ZNF722: variants seen among roughly 807,000 people sequenced by gnomAD.
The protein encoded by ZNF722 is zinc finger protein 722.
the ZNF722 span, chr7:63,999,076 C>G: frequency 6.8e-7 from 1 of 1,476,432 alleles, no homozygotes; most frequent in Non-Finnish European, 9.5e-7. Flanking sequence ...TAGCAGGACC[C>G]AAACTTCCTC....
the ZNF722 span, among the ~76,000 whole-genome samples, chr7:64,011,250 T>C: frequency 6.6e-6 from 1 of 152,176 alleles, no homozygotes; most frequent in Admixed American, 6.5e-5. Flanking sequence ...CTTATTTACA[T>C]TTAAGGTTAA....
chr7:64,004,558 A>G, the ZNF722 span, among the ~76,000 whole-genome samples: 3 of 150,642 alleles, frequency 2.0e-5, no homozygotes, highest in Non-Finnish European at 4.4e-5. Flanking sequence ...AATGTGTCCT[A>G]ATAAAGTTGA....
chr7:64,015,631 G>A, the ZNF722 span: 1 of 1,613,682 alleles, frequency 6.2e-7, no homozygotes. Context: ...AACCACAAGA[G>A]AATTCATACT....
chr7:64,004,664 T>C, the ZNF722 span, among the ~76,000 whole-genome samples: 3 of 151,864 alleles, frequency 2.0e-5, no homozygotes, highest in Non-Finnish European at 4.4e-5. Context: ...ACTTAGGAGA[T>C]TTACTAGCTG....
the ZNF722 span, among the ~76,000 whole-genome samples, chr7:64,007,230 G>GTGTGTATATATATATA: frequency 1.4e-5 from 2 of 138,512 alleles, no homozygotes; most frequent in Non-Finnish European, 3.0e-5. Flanking sequence ...GTTTGTGTGT[G>GTGTGTATATATATATA]TATATATATA....
the ZNF722 span, among the ~76,000 whole-genome samples, chr7:64,009,933 C>T: frequency 6.6e-6 from 1 of 152,090 alleles, no homozygotes; most frequent in South Asian, 2.1e-4. Context: ...TGTTATTGGT[C>T]TATTCAGGGA....
chr7:64,011,347 T>C, the ZNF722 span, among the ~76,000 whole-genome samples: 5 of 152,220 alleles, frequency 3.3e-5, no homozygotes, highest in Non-Finnish European at 7.3e-5. Context: ...TTAGCATCGA[T>C]GATCTTTATA....
chr7:64,007,650 A>T, the ZNF722 span, among the ~76,000 whole-genome samples: 2 of 152,168 alleles, frequency 1.3e-5, no homozygotes, highest in African/African-American at 2.4e-5. Context: ...CTTTATGGAC[A>T]TTTGGGTTGG....
chr7:64,005,336 A>G, the ZNF722 span, among the ~76,000 whole-genome samples: 24 of 152,208 alleles, frequency 1.6e-4, no homozygotes, highest in East Asian at 3.7e-3. Context: ...AAAAAAAGAC[A>G]TGTCCATGTT....
At chr7:64,012,661 G>A in the ZNF722 span, among the ~76,000 whole-genome samples, 6 of 152,138 alleles carry the variant, frequency 3.9e-5, no homozygotes, top group Admixed American at 3.9e-4. Context: ...GAATGTGCCA[G>A]GTGCAAATAA....
chr7:64,004,454 AT>A, the ZNF722 span, among the ~76,000 whole-genome samples: 2 of 141,438 alleles, frequency 1.4e-5, no homozygotes, highest in Non-Finnish European at 3.0e-5. Flanking sequence ...ATATATATAT[AT>A]AAAATTAAAT....
At chr7:64,004,229 C>T in the ZNF722 span, among the ~76,000 whole-genome samples, 2,849 of 149,108 alleles carry the variant, frequency 0.019, 38 homozygotes, top group Non-Finnish European at 0.033. Context: ...GGTAAAACCC[C>T]GTCTCTACGG....
chr7:64,006,179 A>G, the ZNF722 span: 2 of 1,047,260 alleles, frequency 1.9e-6, no homozygotes, highest in Non-Finnish European at 2.7e-6. Context: ...TGGTAATTAA[A>G]GAATTCAGCA....
At chr7:64,002,872 T>C in the ZNF722 span, among the ~76,000 whole-genome samples, 1 of 152,250 alleles carries the variant, frequency 6.6e-6, no homozygotes, top group Non-Finnish European at 1.5e-5. Flanking sequence ...TCTTTATTTG[T>C]ACCAGATGTA....
chr7:64,015,363 C>G, the ZNF722 span: 13 of 1,488,750 alleles, frequency 8.7e-6, no homozygotes, highest in Non-Finnish European at 1.2e-5. Context: ...GCCTTCACAC[C>G]TAAATCAACA....
the ZNF722 span, chr7:63,998,858 T>C: frequency 3.0e-6 from 4 of 1,329,766 alleles, no homozygotes; most frequent in Admixed American, 2.0e-5. Flanking sequence ...CCTTTTGTGC[T>C]TCTCTGCGTC....
chr7:64,005,660 T>C, the ZNF722 span: 1 of 1,397,604 alleles, frequency 7.2e-7, no homozygotes, highest in East Asian at 2.3e-5. Context: ...TCTGGAGGAG[T>C]GGCAATGCCT....
At chr7:64,015,216 A>G in the ZNF722 span, 1 of 1,257,144 alleles carries the variant, frequency 8.0e-7, no homozygotes, top group African/African-American at 1.5e-5. Flanking sequence ...ATGTTTGTCA[A>G]ATACCCAAAA....
At chr7:64,014,069 T>G in the ZNF722 span, among the ~76,000 whole-genome samples, 3 of 152,234 alleles carry the variant, frequency 2.0e-5, no homozygotes, top group African/African-American at 7.2e-5. Flanking sequence ...ATCTTCTGGT[T>G]TGTGACTTTT....
Sources: allele counts gnomAD v4.1 joint callset (sites outside exome capture counted in the v4.1 genomes callset), GRCh38; gene constraint gnomAD v4.1.1; transcripts MANE v1.5; gene names NCBI Gene and HGNC (gene_info 2026-07-23, HGNC 2026-07-21).